Variants in CADM2 observed in about 807,000 individuals in gnomAD.
CADM2 encodes immunoglobulin superfamily member 4D.
A neutral mutation model predicts 49.8 loss-of-function variants in CADM2; 12 were observed. The observed-to-expected ratio is 0.24, with a 90% CI of 0.15 to 0.39. CADM2 has a LOEUF of 0.39. CADM2 is among the 10% of genes least tolerant of loss of function. The pLI is 1.00. For synonymous variants in CADM2, 214 were observed against 175.4 expected, an observed-to-expected ratio of 1.22 and a Z score of -1.74; for missense variants, 378 against 492.3, an observed-to-expected ratio of 0.77 and a Z score of 2.20.
intron 1 of CADM2, among the ~76,000 whole-genome samples, chr3:85,620,253 A>C (rs1400258259): frequency 6.6e-6 from 1 of 152,128 alleles, no homozygotes; most frequent in Non-Finnish European, 1.5e-5. Flanking sequence ...TAGTCAATTT[A>C]ATCAAATAAA....
Position 85,460,938 on chromosome 3 carries a change from T to G in CADM2, c.62-265584T>G, listed in dbSNP as rs187133568. Among the ~76,000 whole-genome samples the G allele has an allele frequency of 4.1e-3, 626 of 152,282 alleles. 7 individuals carry two copies. Among genetic ancestry groups the G allele is most frequent in the African/African-American group, 0.014 (592 of 41,564 alleles). ...GAATATTAGCTCTGTCCTTGCTAAT[T>G]GAGAAAAAGTAAAGTCTGGGAAGGA... is the stretch of plus-strand genomic sequence containing the variant. On this transcript the variant is annotated intron_variant, in intron 1 of 9. Coordinates refer to ENST00000383699, the MANE Select transcript of CADM2 (RefSeq NM_001167675.2).
intron 1 of CADM2, among the ~76,000 whole-genome samples, chr3:85,254,359 G>A (rs1223564629): frequency 6.6e-6 from 1 of 151,968 alleles, no homozygotes; most frequent in Non-Finnish European, 1.5e-5. Flanking sequence ...GGGGTTTTAT[G>A]AGGACTTCAT....
chr3:85,999,271 T>TAGG (rs1729834943), intron 8 of CADM2, among the ~76,000 whole-genome samples: 3 of 143,130 alleles, frequency 2.1e-5, no homozygotes, highest in Non-Finnish European at 3.0e-5. Context: ...GGCCGAGGGT[T>TAGG]GGGGGGTGGA....
chr3:85,981,492 A>G (rs779917889), intron 8 of CADM2, among the ~76,000 whole-genome samples: 10 of 151,270 alleles, frequency 6.6e-5, no homozygotes, highest in Non-Finnish European at 1.5e-4. Flanking sequence ...TAGTTTTTTG[A>G]TCCTCACCCT....
At chr3:85,021,609 T>C (rs964964807) in intron 1 of CADM2, among the ~76,000 whole-genome samples, 3 of 152,070 alleles carry the variant, frequency 2.0e-5, no homozygotes, top group Non-Finnish European at 4.4e-5. Flanking sequence ...AGCCCGTCTC[T>C]ACTAAAAATA....
intron 3 of CADM2, among the ~76,000 whole-genome samples, chr3:85,854,855 C>T (rs1348056329): frequency 6.6e-6 from 1 of 152,146 alleles, no homozygotes; most frequent in African/African-American, 2.4e-5. Flanking sequence ...CTCCACCTGT[C>T]CTCCTTGTTT....
At chr3:85,871,677 A>G (rs924911238) in intron 3 of CADM2, among the ~76,000 whole-genome samples, 2 of 152,064 alleles carry the variant, frequency 1.3e-5, no homozygotes, top group African/African-American at 2.4e-5. Flanking sequence ...GATAGTGCAT[A>G]CTCCATAAAT....
At chr3:85,771,005 T>C (rs1253334082) in intron 2 of CADM2, among the ~76,000 whole-genome samples, 1 of 152,216 alleles carries the variant, frequency 6.6e-6, no homozygotes, top group Non-Finnish European at 1.5e-5. Flanking sequence ...TGTCTCATGA[T>C]AGGTGTAATT....
At chr3:85,545,705 C>A (rs1473539319) in intron 1 of CADM2, among the ~76,000 whole-genome samples, 1 of 152,106 alleles carries the variant, frequency 6.6e-6, no homozygotes, top group Non-Finnish European at 1.5e-5. Context: ...AACCCTGCTG[C>A]ACTCTGAAAC....
intron 3 of CADM2, among the ~76,000 whole-genome samples, chr3:85,860,869 G>A (rs564455346): frequency 6.6e-6 from 1 of 152,218 alleles, no homozygotes; most frequent in South Asian, 2.1e-4. Flanking sequence ...GATTATCAGG[G>A]GTGAAAGCAC....
At chr3:86,043,799 G>C (rs964283696) in intron 8 of CADM2, among the ~76,000 whole-genome samples, 1 of 152,162 alleles carries the variant, frequency 6.6e-6, no homozygotes, top group Non-Finnish European at 1.5e-5. Context: ...CATGCTACCT[G>C]ACTTCAAACT....
At chr3:85,563,693 A>G (rs2062167072) in intron 1 of CADM2, among the ~76,000 whole-genome samples, 1 of 152,134 alleles carries the variant, frequency 6.6e-6, no homozygotes, top group African/African-American at 2.4e-5. Context: ...TCCTCAGTAG[A>G]TAAAGGCAGC....
chr3:85,172,056 T>A (rs2040643258), intron 1 of CADM2, among the ~76,000 whole-genome samples: 1 of 152,228 alleles, frequency 6.6e-6, no homozygotes, highest in African/African-American at 2.4e-5. Flanking sequence ...TGCATTATCC[T>A]AATAAATTAG....
chr3:85,832,083 G>A (rs1306060449), intron 3 of CADM2, among the ~76,000 whole-genome samples: 3 of 151,920 alleles, frequency 2.0e-5, no homozygotes, highest in Non-Finnish European at 4.4e-5. Flanking sequence ...TTACTGATTA[G>A]GGATTCCTTT....
intron 1 of CADM2, among the ~76,000 whole-genome samples, chr3:85,554,493 T>G (rs7652808): frequency 0.7 from 106,958 of 152,008 alleles, 38,043 homozygotes; most frequent in East Asian, 0.93. Context: ...AAGAATCAAT[T>G]ATAGACGCTT....
At chr3:85,944,767 A>G (rs183249475) in intron 7 of CADM2, among the ~76,000 whole-genome samples, 296 of 152,246 alleles carry the variant, frequency 1.9e-3, no homozygotes, top group African/African-American at 6.7e-3. Flanking sequence ...TCTGGGACAC[A>G]TTTAAAACAT....
At chr3:85,899,731 G>A (rs984310467) in intron 5 of CADM2, among the ~76,000 whole-genome samples, 8 of 152,102 alleles carry the variant, frequency 5.3e-5, no homozygotes, top group African/African-American at 1.7e-4. Context: ...AAATTTTTCT[G>A]TGTATCCAGT....
chr3:85,318,945 G>A (rs2044535900), intron 1 of CADM2, among the ~76,000 whole-genome samples: 3 of 152,062 alleles, frequency 2.0e-5, no homozygotes, highest in Admixed American at 6.5e-5. Flanking sequence ...CAACGTTCGG[G>A]CTCTTAACTT....
At chr3:85,286,927 GT>G (rs2043647075) in intron 1 of CADM2, among the ~76,000 whole-genome samples, 1 of 151,996 alleles carries the variant, frequency 6.6e-6, no homozygotes, top group South Asian at 2.1e-4. Flanking sequence ...GTAATTTGAT[GT>G]CCTGAAAATT....
Sources: gnomAD v4.1 joint callset for allele counts (sites outside exome capture counted in the v4.1 genomes callset) on GRCh38, gnomAD v4.1.1 for gene constraint, MANE v1.5 for transcripts, NCBI Gene and HGNC (gene_info 2026-07-23, HGNC 2026-07-21) for gene names.